The following MBTD1 variants were observed in gnomAD, a reference collection of about 807,000 sequenced individuals.
The protein encoded by MBTD1 is mbt domain containing 1.
Under a neutral mutation model 87.8 loss-of-function variants are expected in MBTD1, and 24 were observed. That is an observed-to-expected ratio of 0.27 (90% CI 0.20 to 0.38). The LOEUF is 0.38. Ranked by LOEUF, MBTD1 falls within the 10% of genes least tolerant of loss-of-function variation. The pLI is 1.00. For synonymous variants in MBTD1, 237 were observed against 248.6 expected (o/e 0.95, Z 0.44); for missense variants, 436 against 760.2 (o/e 0.57, Z 5.02).
At chr17:51,252,392 T>C (rs1002136413) in intron 2 of MBTD1, among the ~76,000 whole-genome samples, 13 of 152,126 alleles carry the variant, frequency 8.5e-5, no homozygotes, top group African/African-American at 2.9e-4. Context: ...CAAATAAATA[T>C]GTTTCAGGTA....
At chr17:51,232,338 C>T (rs909883758) in intron 2 of MBTD1, among the ~76,000 whole-genome samples, 7 of 151,984 alleles carry the variant, frequency 4.6e-5, no homozygotes, top group African/African-American at 1.7e-4. Flanking sequence ...CAAGTATGAG[C>T]GCACGATCAA....
intron 16 of MBTD1, among the ~76,000 whole-genome samples, chr17:51,190,399 G>T (rs575315497): frequency 4.0e-5 from 6 of 151,796 alleles, no homozygotes; most frequent in African/African-American, 1.5e-4. Flanking sequence ...GAGCCACCGC[G>T]TCCAGTCCAA....
rs1454374184 is a variant in MBTD1 at position 51,201,588 on chromosome 17, T to C, written c.1224+4A>G. 1.3e-6 allele frequency: 2 copies of C among 1,563,554 alleles called. No homozygotes were observed. Among genetic ancestry groups the C allele is most frequent in the African/African-American group, 2.7e-5 (2 of 73,346 alleles). On this transcript the variant is annotated splice_donor_region_variant and intron_variant, in intron 12 of 16. Transcript: ENST00000586178. ...TTTCTATATTTTAAAACCTATTATC[T>C]TACCTTTCTAATGGTTGCGACACAT...
chr17:51,259,507 A>G (rs879367948), intron 1 of MBTD1, among the ~76,000 whole-genome samples: 21 of 152,190 alleles, frequency 1.4e-4, no homozygotes, highest in Admixed American at 1.2e-3. Context: ...TAAAAAAGGA[A>G]AAGTCTCGGA....
chr17:51,253,119 G>A (rs2054890529), intron 2 of MBTD1, among the ~76,000 whole-genome samples: 1 of 152,098 alleles, frequency 6.6e-6, no homozygotes, highest in Non-Finnish European at 1.5e-5. Context: ...GAAGTATACA[G>A]TACATTAAAA....
intron 2 of MBTD1, among the ~76,000 whole-genome samples, chr17:51,230,174 C>G (rs1598391969): frequency 6.6e-6 from 1 of 152,056 alleles, no homozygotes; most frequent in Non-Finnish European, 1.5e-5. Flanking sequence ...ATCAGAAGAT[C>G]TAAAAGATGA....
At chr17:51,203,035 AAC>A (rs1197476503) in intron 9 of MBTD1, 100 bp from the exon 10 acceptor site, 1 of 1,262,352 alleles carries the variant, frequency 7.9e-7, no homozygotes, top group African/African-American at 1.5e-5. Context: ...CTTGAAATGT[AAC>A]ACAGATCATC....
chr17:51,219,185 A>AT, intron 4 of MBTD1, 141 bp from the exon 5 acceptor site: 1 of 568,712 alleles, frequency 1.8e-6, no homozygotes, highest in Non-Finnish European at 3.2e-6. Context: ...ACATACAAGA[A>AT]TTTTAACATG....
In MBTD1 at chr17:51,178,116, A is replaced by G. The variant is rs1209779465; in HGVS notation, c.*2460T>C. 4 of 152,192 alleles carry G rather than the reference A, an allele frequency of 2.6e-5. No individual in the cohort carries two copies. Among genetic ancestry groups the G allele is most frequent in the Admixed American group, 2.6e-4 (4 of 15,278 alleles). 9.4% of individuals were successfully genotyped at this position (152,192 alleles called of 1,614,324 possible). On this transcript the variant is annotated 3_prime_UTR_variant, in exon 17 of 17. Transcript: ENST00000586178. Reference sequence around the variant, plus strand: ...AACAGGAAAAACAAAACAAAACAAAAACAAACCCAAGGTCAGCAGTACATT... The same window carrying G: ...AACAGGAAAAACAAAACAAAACAAAGACAAACCCAAGGTCAGCAGTACATT...
intron 16 of MBTD1, chr17:51,186,287 G>C (rs1449196010): frequency 6.6e-6 from 1 of 152,438 alleles, no homozygotes; most frequent in Non-Finnish European, 1.5e-5. Context: ...TATATAACTA[G>C]GAAAGCTGTG....
intron 2 of MBTD1, among the ~76,000 whole-genome samples, chr17:51,241,521 CTCTTTT>C (rs1409486402): frequency 6.6e-6 from 1 of 152,038 alleles, no homozygotes; most frequent in Non-Finnish European, 1.5e-5. Context: ...TCTCTTTTTT[CTCTTTT>C]TATTTATTAT....
intron 2 of MBTD1, among the ~76,000 whole-genome samples, chr17:51,243,672 G>C (rs1342759086): frequency 6.6e-6 from 1 of 152,010 alleles, no homozygotes. Context: ...TATCTCTTTA[G>C]TGTCCTTTAA....
chr17:51,203,987 A>G lies in MBTD1; in HGVS notation c.605-62T>C, dbSNP rs926098567. Reference sequence around the variant, plus strand: ...ATAAAATTAAATAAAACAATACAGCATCTGATAGCAGTTGTCAAACTAGTG... The same window carrying G: ...ATAAAATTAAATAAAACAATACAGCGTCTGATAGCAGTTGTCAAACTAGTG... On this transcript the variant is annotated intron_variant, in intron 7 of 16. Coordinates refer to ENST00000586178, the MANE Select transcript of MBTD1 (RefSeq NM_017643.3). 7.6e-6 allele frequency: 10 copies of G among 1,312,668 alleles called. No individual in the cohort carries two copies. The Admixed American group carries it at 1.5e-4, about 20-fold the overall frequency. 81.3% of individuals were successfully genotyped at this position (1,312,668 alleles called of 1,614,324 possible). A position where few individuals can be genotyped will look rare whatever the true frequency, so the allele number is the denominator to read the frequency against.
rs192784113 is a variant in MBTD1 at position 51,254,387 on chromosome 17, C to A, written c.-49+4756G>T. Among the ~76,000 whole-genome samples the A allele has an allele frequency of 1.6e-4, 25 of 152,206 alleles. No individual in the cohort carries two copies. The East Asian group carries it at 4.8e-3, about 29-fold the overall frequency. On this transcript the variant is annotated intron_variant, in intron 2 of 16. Transcript: ENST00000586178. Reference sequence around the variant, plus strand: ...ATTTGGGATTACTGAGTTTTTATTTCCCACAAATTCAATGTGCAAGCAAGA... The same window carrying A: ...ATTTGGGATTACTGAGTTTTTATTTACCACAAATTCAATGTGCAAGCAAGA...
chr17:51,206,131 T>C (rs539553473), intron 7 of MBTD1, among the ~76,000 whole-genome samples: 1 of 152,324 alleles, frequency 6.6e-6, no homozygotes, highest in South Asian at 2.1e-4. Flanking sequence ...TCTACCATAG[T>C]AGATTCCTAA....
intron 4 of MBTD1, among the ~76,000 whole-genome samples, chr17:51,219,355 A>ACT (rs2052754032): frequency 1.3e-5 from 2 of 152,216 alleles, no homozygotes; most frequent in Non-Finnish European, 2.9e-5. Context: ...ATTCCTTCTT[A>ACT]CAGTAGATAG....
chr17:51,236,457 C>T (rs1342723806), intron 2 of MBTD1, among the ~76,000 whole-genome samples: 1 of 152,158 alleles, frequency 6.6e-6, no homozygotes, highest in Non-Finnish European at 1.5e-5. Context: ...GTTGGCCAGG[C>T]TGGTCTCAAA....
intron 2 of MBTD1, among the ~76,000 whole-genome samples, chr17:51,240,261 T>A (rs2054090312): frequency 6.6e-6 from 1 of 152,220 alleles, no homozygotes; most frequent in Admixed American, 6.5e-5. Context: ...CTACAATAAA[T>A]GAAATACTGA....
chr17:51,242,859 TC>T (rs1228414667), intron 2 of MBTD1, among the ~76,000 whole-genome samples: 1 of 152,182 alleles, frequency 6.6e-6, no homozygotes, highest in Non-Finnish European at 1.5e-5. Flanking sequence ...TATTCCTCTC[TC>T]CTGTGTTTTT....
Sources: allele counts gnomAD v4.1 joint callset (sites outside exome capture counted in the v4.1 genomes callset), GRCh38; gene constraint gnomAD v4.1.1; transcripts MANE v1.5; gene names NCBI Gene and HGNC (gene_info 2026-07-23, HGNC 2026-07-21).